NRG3: variants seen among roughly 807,000 people sequenced by gnomAD.
NRG3 encodes pro-neuregulin-3, membrane-bound isoform.
NRG3 carries 31 observed loss-of-function variants against 66.9 expected under a neutral mutation model. The ratio of observed to expected loss-of-function variants is 0.46; its 90% confidence interval spans 0.35 to 0.63. The LOEUF (loss-of-function observed/expected upper bound fraction) is 0.63, where lower values mean the gene tolerates loss of function less well. Ranked by LOEUF, NRG3 falls within the 20% of genes least tolerant of loss-of-function variation. The pLI is 0.00. For missense variants in NRG3, 910 were observed against 878.9 expected (o/e 1.04, Z -0.45); for synonymous variants, 393 against 359.4 (o/e 1.09, Z -1.06).
intron 1 of NRG3, among the ~76,000 whole-genome samples, chr10:82,243,499 GA>G (rs944409816): frequency 6.6e-6 from 1 of 151,918 alleles, no homozygotes; most frequent in African/African-American, 2.4e-5. Flanking sequence ...TAGAGTTAAA[GA>G]AAAAAATTTA....
intron 2 of NRG3, among the ~76,000 whole-genome samples, chr10:82,637,216 A>G (rs2050261621): frequency 6.6e-6 from 1 of 152,176 alleles, no homozygotes; most frequent in African/African-American, 2.4e-5. Context: ...GAATATATTA[A>G]AAGGACACAT....
chr10:82,751,831 A>G (rs1228003665), intron 3 of NRG3, among the ~76,000 whole-genome samples: 1 of 152,154 alleles, frequency 6.6e-6, no homozygotes, highest in African/African-American at 2.4e-5. Flanking sequence ...TTAAATATCT[A>G]TTGCTATAGT....
At chr10:82,910,221 A>G (rs886964567) in intron 4 of NRG3, among the ~76,000 whole-genome samples, 2 of 152,264 alleles carry the variant, frequency 1.3e-5, no homozygotes, top group African/African-American at 2.4e-5. Context: ...ATCATGAAGC[A>G]GAAGAGAAAT....
At chr10:82,661,670 A>ATT (rs1221918159) in intron 2 of NRG3, among the ~76,000 whole-genome samples, 1 of 152,166 alleles carries the variant, frequency 6.6e-6, no homozygotes, top group Non-Finnish European at 1.5e-5. Context: ...ATCAATGATG[A>ATT]TAAGTCTGTA....
intron 1 of NRG3, among the ~76,000 whole-genome samples, chr10:82,151,449 A>C (rs748758943): frequency 6.6e-6 from 1 of 152,144 alleles, no homozygotes; most frequent in Non-Finnish European, 1.5e-5. Flanking sequence ...ATCAGATGGG[A>C]GATGAGGATC....
chr10:82,974,096 C>T (rs1255550142), intron 7 of NRG3, among the ~76,000 whole-genome samples, 181 bp downstream of exon 7: 1 of 151,998 alleles, frequency 6.6e-6, no homozygotes, highest in Non-Finnish European at 1.5e-5. Flanking sequence ...CCAGTTTCCA[C>T]AGCAGACAGC....
intron 1 of NRG3, among the ~76,000 whole-genome samples, chr10:82,096,444 C>G (rs1274228355): frequency 6.6e-6 from 1 of 152,042 alleles, no homozygotes; most frequent in Non-Finnish European, 1.5e-5. Flanking sequence ...CTCCTGCACT[C>G]CAGCCTGGTG....
chr10:82,575,630 G>T (rs4536149), intron 2 of NRG3, among the ~76,000 whole-genome samples: 34 of 151,484 alleles, frequency 2.2e-4, no homozygotes, highest in Middle Eastern at 3.4e-3. Context: ...TGTTGATGGG[G>T]CTCCACTATA....
intron 1 of NRG3, among the ~76,000 whole-genome samples, chr10:81,973,470 C>T (rs189168116): frequency 1.3e-5 from 2 of 152,168 alleles, no homozygotes; most frequent in East Asian, 1.9e-4. Flanking sequence ...TCTAAATCTT[C>T]GAGGAGTCGC....
chr10:82,115,359 C>T (rs1236955495), intron 1 of NRG3, among the ~76,000 whole-genome samples: 1 of 152,084 alleles, frequency 6.6e-6, no homozygotes, highest in Non-Finnish European at 1.5e-5. Context: ...AGAGCAGAAC[C>T]AAATTATGTA....
At position 82,507,255 on chromosome 10, in the gene NRG3, C is replaced by T. The variant is rs371907650; in HGVS notation, c.953+148387C>T. On this transcript the variant is annotated intron_variant, in intron 2 of 8. Coordinates refer to ENST00000372141, the MANE Select transcript of NRG3 (RefSeq NM_001010848.4). ...GATGTTGTCTCTCCCATGATGGGTT[C>T]GCAGTGTAAAGCTCCATGCCTGAGG... is the stretch of plus-strand genomic sequence containing the variant. 4.0e-4 allele frequency among the ~76,000 whole-genome samples: 61 copies of T among 152,144 alleles called. 1 individual carries two copies. The highest frequency in any genetic ancestry group is 2.7e-3 in the Admixed American group (41 of 15,280).
At chr10:82,208,023 A>G (rs1405785089) in intron 1 of NRG3, among the ~76,000 whole-genome samples, 1 of 151,940 alleles carries the variant, frequency 6.6e-6, no homozygotes, top group African/African-American at 2.4e-5. Context: ...TACTTGGAAA[A>G]CTCTATCTGC....
intron 1 of NRG3, among the ~76,000 whole-genome samples, chr10:82,178,537 T>C (rs535819647): frequency 3.9e-5 from 6 of 152,278 alleles, no homozygotes; most frequent in Non-Finnish European, 8.8e-5. Context: ...TCCATCCATG[T>C]TGTAGCATTT....
chr10:82,231,485 A>C (rs529692704), intron 1 of NRG3, among the ~76,000 whole-genome samples: 2 of 150,074 alleles, frequency 1.3e-5, no homozygotes, highest in Non-Finnish European at 3.0e-5. Context: ...TATTGAAAAA[A>C]AAAACCTAGT....
chr10:82,297,650 A>C (rs1407340726), intron 1 of NRG3, among the ~76,000 whole-genome samples: 2 of 152,180 alleles, frequency 1.3e-5, no homozygotes, highest in Non-Finnish European at 2.9e-5. Context: ...GAAATGATAC[A>C]GGTGAAAACT....
At chr10:82,715,823 AT>A (rs2056937520) in intron 2 of NRG3, among the ~76,000 whole-genome samples, 1 of 152,126 alleles carries the variant, frequency 6.6e-6, no homozygotes, top group African/African-American at 2.4e-5. Flanking sequence ...TGGAGGTTGA[AT>A]TTCAGGTCAC....
intron 2 of NRG3, among the ~76,000 whole-genome samples, chr10:82,702,213 T>A (rs978729369): frequency 1.3e-5 from 2 of 152,220 alleles, no homozygotes; most frequent in African/African-American, 4.8e-5. Context: ...ATAGTTTCTC[T>A]TGTCACACAC....
intron 1 of NRG3, among the ~76,000 whole-genome samples, chr10:81,979,961 A>G (rs2060273789): frequency 6.6e-6 from 1 of 152,350 alleles, no homozygotes; most frequent in Admixed American, 6.5e-5. Context: ...GACCACAGGT[A>G]AACATAGGCC....
chr10:82,365,330 G>A (rs961962431), intron 2 of NRG3, among the ~76,000 whole-genome samples: 1 of 152,190 alleles, frequency 6.6e-6, no homozygotes, highest in Non-Finnish European at 1.5e-5. Flanking sequence ...CAGATTCCCT[G>A]CAGAGTGGTG....
Sources: allele counts gnomAD v4.1 joint callset (sites outside exome capture counted in the v4.1 genomes callset), GRCh38; gene constraint gnomAD v4.1.1; transcripts MANE v1.5; gene names NCBI Gene and HGNC (gene_info 2026-07-23, HGNC 2026-07-21).